SLC8A1: variants seen among roughly 807,000 people sequenced by gnomAD.
SLC8A1 encodes solute carrier family 8 member A1, also known as sodium/calcium exchanger 1.
SLC8A1 carries 18 observed loss-of-function variants against 68.3 expected under a neutral mutation model. That is an observed-to-expected ratio of 0.26 (90% CI 0.18 to 0.39). The LOEUF (loss-of-function observed/expected upper bound fraction) is 0.39, where lower values mean the gene tolerates loss of function less well. Among genes scored for constraint, SLC8A1 ranks in the 10% least tolerant of loss-of-function variants. SLC8A1 has a pLI of 1.00. For missense variants in SLC8A1, 985 were observed against 1,156.7 expected, an observed-to-expected ratio of 0.85 and a Z score of 2.15; for synonymous variants, 475 against 415.5, an observed-to-expected ratio of 1.14 and a Z score of -1.74.
chr2:40,118,543 C>A (rs1172161697), intron 7 of SLC8A1: 1 of 139,664 alleles, frequency 7.2e-6, no homozygotes, highest in East Asian at 2.2e-4. Flanking sequence ...TTAATGGTTT[C>A]TTGTACTTCA....
At chr2:40,251,175 A>G (rs1245629023) in intron 2 of SLC8A1, 1 of 149,158 alleles carries the variant, frequency 6.7e-6, no homozygotes, top group African/African-American at 2.5e-5. Context: ...TTTTTGAATT[A>G]AAAAAAAAAT....
chr2:40,407,645 C>T lies in SLC8A1; in HGVS notation c.1808+20828G>A, dbSNP rs559067091. ...AGCTCCCACAGCTCTTGGTGCACTG[C>T]ATTTTGATTGCTGTGCTGCATAAAC... On this transcript the variant is annotated intron_variant, in intron 2 of 7. Coordinates refer to ENST00000406785, the Ensembl canonical transcript of SLC8A1. Among the ~76,000 whole-genome samples, 4 of 152,322 alleles carry T rather than the reference C, an allele frequency of 2.6e-5. No homozygotes were observed. In the South Asian group the frequency reaches 8.3e-4, roughly 32 times the overall value.
intron 2 of SLC8A1, among the ~76,000 whole-genome samples, chr2:40,231,083 A>G (rs1313164973): frequency 6.6e-6 from 1 of 152,124 alleles, no homozygotes; most frequent in African/African-American, 2.4e-5. Context: ...TAGCTTCTAC[A>G]TTCTCCCTGG....
chr2:40,386,045 T>C (rs1683453768), intron 2 of SLC8A1, among the ~76,000 whole-genome samples: 2 of 151,352 alleles, frequency 1.3e-5, no homozygotes, highest in African/African-American at 4.9e-5. Context: ...GGTATTGCTT[T>C]TGAGCTCCAA....
At chr2:40,253,401 A>C (rs1476071091) in intron 2 of SLC8A1, among the ~76,000 whole-genome samples, 1 of 151,852 alleles carries the variant, frequency 6.6e-6, no homozygotes, top group Non-Finnish European at 1.5e-5. Context: ...TTGCAGCAAC[A>C]TGGATGGAAC....
rs141586573 is a variant in SLC8A1 at position 40,416,424 on chromosome 2, AACTTT to A, written c.1808+12044_1808+12048del. Among the ~76,000 whole-genome samples the A allele has an allele frequency of 6.0e-3, 921 of 152,248 alleles. 8 individuals are homozygous for A. Among genetic ancestry groups the A allele is most frequent in the African/African-American group, 0.021 (872 of 41,556 alleles). On this transcript the variant is annotated intron_variant, in intron 2 of 7. Coordinates refer to ENST00000406785, the Ensembl canonical transcript of SLC8A1. Reference sequence around the variant, plus strand: ...TTCAAAATGTTTCTTTTTGGCAAATAACTTTACTTTAAAAAGTAAGGCATAGACTA... The same window carrying A: ...TTCAAAATGTTTCTTTTTGGCAAATAACTTTAAAAAGTAAGGCATAGACTA...
chr2:40,189,774 A>G (rs1266391541), intron 2 of SLC8A1: 1 of 152,166 alleles, frequency 6.6e-6, no homozygotes, highest in East Asian at 1.9e-4. Context: ...TGAATTTTTG[A>G]TGTTCTTCTA....
At chr2:40,229,953 T>C (rs1453114539) in intron 2 of SLC8A1, among the ~76,000 whole-genome samples, 2 of 152,200 alleles carry the variant, frequency 1.3e-5, no homozygotes, top group Non-Finnish European at 1.5e-5. Context: ...ATATCTTTTA[T>C]GTTGTTATTG....
intron 2 of SLC8A1, among the ~76,000 whole-genome samples, chr2:40,311,250 T>C: frequency 6.6e-6 from 1 of 152,134 alleles, no homozygotes; most frequent in South Asian, 2.1e-4. Flanking sequence ...TTCAACAGAA[T>C]TGTAAAATTA....
At chr2:40,180,944 T>C (rs35068552) in intron 2 of SLC8A1, among the ~76,000 whole-genome samples, 1,984 of 131,970 alleles carry the variant, frequency 0.015, 15 homozygotes, top group African/African-American at 0.029. Flanking sequence ...TTTAAATCTT[T>C]TAATAGCTTT....
chr2:40,460,895 G>A (rs1158497890), intron 1 of SLC8A1, among the ~76,000 whole-genome samples: 9 of 152,136 alleles, frequency 5.9e-5, no homozygotes, highest in Non-Finnish European at 1.2e-4. Flanking sequence ...CAAGAAGTAA[G>A]TGCTATGGCC....
chr2:40,456,665 T>C (rs1476579633), upstream of SLC8A1, among the ~76,000 whole-genome samples: 2 of 152,192 alleles, frequency 1.3e-5, no homozygotes, highest in East Asian at 3.8e-4. Context: ...AAGGATAAAA[T>C]GTATATAGGA....
intron 2 of SLC8A1, among the ~76,000 whole-genome samples, chr2:40,389,021 C>T (rs1364665776): frequency 6.6e-6 from 1 of 152,036 alleles, no homozygotes; most frequent in Non-Finnish European, 1.5e-5. Context: ...TATATAAATA[C>T]ATACGTATAT....
At chr2:40,421,367 G>A (rs1449743878) in intron 2 of SLC8A1, among the ~76,000 whole-genome samples, 1 of 152,144 alleles carries the variant, frequency 6.6e-6, no homozygotes, top group African/African-American at 2.4e-5. Context: ...CAAGTTTAGC[G>A]ATCCTCCTAA....
chr2:40,176,869 T>A (rs1450505724), intron 3 of SLC8A1, among the ~76,000 whole-genome samples: 1 of 152,114 alleles, frequency 6.6e-6, no homozygotes, highest in Non-Finnish European at 1.5e-5. Context: ...TCACCAGAAT[T>A]CCTTTTAAAA....
intron 2 of SLC8A1, among the ~76,000 whole-genome samples, chr2:40,428,155 CAGCCTGTCTTAAGTCATCTGATA>C (rs1402689938): frequency 6.6e-6 from 1 of 152,102 alleles, no homozygotes; most frequent in Non-Finnish European, 1.5e-5. Context: ...ACCAATTTCT[CAGCCTGTCTTAAGTCATCTGATA>C]AACTGTGTCC....
intron 2 of SLC8A1, among the ~76,000 whole-genome samples, chr2:40,319,761 T>G (rs1260183198): frequency 6.6e-6 from 1 of 152,092 alleles, no homozygotes; most frequent in Non-Finnish European, 1.5e-5. Context: ...GACAACCATT[T>G]TAGTAGCTGA....
intron 7 of SLC8A1, among the ~76,000 whole-genome samples, chr2:40,123,554 T>C (rs1218165207): frequency 1.3e-5 from 2 of 152,180 alleles, no homozygotes; most frequent in East Asian, 3.8e-4. Flanking sequence ...CTTAAATTCT[T>C]GGCTTCTCCT....
intron 1 of SLC8A1, among the ~76,000 whole-genome samples, chr2:40,509,116 G>T (rs1406362276): frequency 1.3e-5 from 2 of 152,106 alleles, no homozygotes; most frequent in Non-Finnish European, 2.9e-5. Context: ...AAATTCTCTG[G>T]CATACAATTT....
Sources: allele counts gnomAD v4.1 joint callset (sites outside exome capture counted in the v4.1 genomes callset), GRCh38; gene constraint gnomAD v4.1.1; transcripts MANE v1.5; gene names NCBI Gene and HGNC (gene_info 2026-07-23, HGNC 2026-07-21).